Variants in ADAMTS16 observed in about 807,000 individuals in gnomAD.
ADAMTS16 encodes ADAM metallopeptidase with thrombospondin type 1 motif 16, also known as A disintegrin and metalloproteinase with thrombospondin motifs 16.
A neutral mutation model predicts 145.8 loss-of-function variants in ADAMTS16; 94 were observed. The ratio of observed to expected loss-of-function variants is 0.64; its 90% CI spans 0.55 to 0.77. The LOEUF is 0.77. Ranked by LOEUF, ADAMTS16 falls within the 30% of genes least tolerant of loss-of-function variation. The pLI, the probability that ADAMTS16 is intolerant of heterozygous loss-of-function variation, is 0.00. For synonymous variants in ADAMTS16, 659 were observed against 604.3 expected (o/e 1.09, Z -1.33); for missense variants, 1,585 against 1,591.5 (o/e 1.00, Z 0.07).
chr5:5,286,179 AT>A (rs1352445051), intron 18 of ADAMTS16, among the ~76,000 whole-genome samples: 1 of 152,216 alleles, frequency 6.6e-6, no homozygotes, highest in African/African-American at 2.4e-5. Context: ...CCCCCAACTC[AT>A]TGTAACAATA....
chr5:5,231,369 G>A (rs1736917417), intron 11 of ADAMTS16, among the ~76,000 whole-genome samples: 1 of 152,110 alleles, frequency 6.6e-6, no homozygotes, highest in South Asian at 2.1e-4. Flanking sequence ...TCAGTAGTTT[G>A]ATATGTGTTA....
intron 9 of ADAMTS16, 149 bp from the exon 10 acceptor site, chr5:5,208,944 T>C: frequency 1.4e-6 from 1 of 709,296 alleles, no homozygotes; most frequent in Non-Finnish European, 2.3e-6. Flanking sequence ...AGATAAGTAT[T>C]ATATTGTAAC....
chr5:5,209,510 G>A (rs964765263), intron 10 of ADAMTS16, among the ~76,000 whole-genome samples: 1 of 152,112 alleles, frequency 6.6e-6, no homozygotes, highest in Non-Finnish European at 1.5e-5. Context: ...TCGTGTGGGA[G>A]CTCAGCAATA....
intron 18 of ADAMTS16, among the ~76,000 whole-genome samples, chr5:5,283,068 TAA>T (rs1738980911): frequency 6.6e-6 from 1 of 152,188 alleles, no homozygotes; most frequent in Non-Finnish European, 1.5e-5. Flanking sequence ...TTTAATATCA[TAA>T]GTCAATACTG....
At chr5:5,159,999 C>G (rs1446526911) in intron 3 of ADAMTS16, among the ~76,000 whole-genome samples, 2 of 152,120 alleles carry the variant, frequency 1.3e-5, no homozygotes, top group Non-Finnish European at 2.9e-5. Context: ...ATTCCCTTTG[C>G]AGGTTATCAT....
chr5:5,184,657 G>C (rs1735447149), intron 4 of ADAMTS16, among the ~76,000 whole-genome samples: 1 of 152,122 alleles, frequency 6.6e-6, no homozygotes, highest in African/African-American at 2.4e-5. Context: ...GCTGATTAGT[G>C]GGCCTGCTGC....
intron 6 of ADAMTS16, among the ~76,000 whole-genome samples, chr5:5,188,241 T>C (rs1735564031): frequency 6.6e-6 from 1 of 152,230 alleles, no homozygotes; most frequent in South Asian, 2.1e-4. Context: ...TGTTGCTTTA[T>C]TCAATTATCT....
intron 18 of ADAMTS16, among the ~76,000 whole-genome samples, chr5:5,292,498 A>AAATAATAATAAT (rs55690811): frequency 3.4e-5 from 5 of 146,822 alleles, no homozygotes; most frequent in African/African-American, 1.3e-4. Context: ...ACTCCAGCTC[A>AAATAATAATAAT]AATAATAATA....
At chr5:5,311,514 T>C (rs1220423735) in intron 21 of ADAMTS16, among the ~76,000 whole-genome samples, 2 of 150,836 alleles carry the variant, frequency 1.3e-5, no homozygotes, top group Non-Finnish European at 2.9e-5. Context: ...GGTGTGCATG[T>C]GTGAGACGGC....
At chr5:5,184,747 C>T (rs1735450420) in intron 4 of ADAMTS16, among the ~76,000 whole-genome samples, 1 of 151,936 alleles carries the variant, frequency 6.6e-6, no homozygotes, top group African/African-American at 2.4e-5. Context: ...GAGGGGCAGT[C>T]ATTTGCTGAG....
At chr5:5,238,541 G>C (rs1027530960) in intron 14 of ADAMTS16, among the ~76,000 whole-genome samples, 1 of 151,974 alleles carries the variant, frequency 6.6e-6, no homozygotes, top group Admixed American at 6.6e-5. Flanking sequence ...AATACATCTG[G>C]CCCTATGGAT....
chr5:5,176,774 A>G (rs373589314), intron 3 of ADAMTS16, among the ~76,000 whole-genome samples: 57 of 152,330 alleles, frequency 3.7e-4, no homozygotes, highest in Middle Eastern at 3.4e-3. Flanking sequence ...TCTTCCTGCC[A>G]TAGAATTCAT....
At position 5,310,308 on chromosome 5, in the gene ADAMTS16, T is replaced by C. The variant is rs1740369825; in HGVS notation, c.3411+3580T>C. The stretch of plus-strand genomic sequence containing the variant: ...TCCTTCCTAGCCCCCAATTCCCTTT[T>C]CTGTGGCCACTTCCAGCCCGCCACT... On this transcript the variant is annotated intron_variant, in intron 21 of 22. Transcript: ENST00000274181. This position sits in a 1 kb window ranked among gnomAD's most constrained non-coding sequence, Gnocchi z 4.3. Among the ~76,000 whole-genome samples, 1 of 152,056 alleles carries C rather than the reference T, an allele frequency of 6.6e-6. No individual in the cohort carries two copies. The highest frequency in any genetic ancestry group is 1.5e-5 in the Non-Finnish European group (1 of 68,002).
At chr5:5,226,970 T>C (rs1235227664) in intron 11 of ADAMTS16, among the ~76,000 whole-genome samples, 4 of 152,092 alleles carry the variant, frequency 2.6e-5, no homozygotes, top group Admixed American at 2.6e-4. Flanking sequence ...AGCTCTTCGG[T>C]CACTGGGGAC....
At chr5:5,175,235 G>A (rs1735155253) in intron 3 of ADAMTS16, among the ~76,000 whole-genome samples, 1 of 152,126 alleles carries the variant, frequency 6.6e-6, no homozygotes, top group Admixed American at 6.5e-5. Flanking sequence ...AATCCTGACA[G>A]GACTGGGTCA....
At chr5:5,248,865 T>C (rs1737536591) in intron 17 of ADAMTS16, among the ~76,000 whole-genome samples, 2 of 152,240 alleles carry the variant, frequency 1.3e-5, no homozygotes, top group African/African-American at 2.4e-5. Context: ...AATAAACATT[T>C]AAATTCACTT....
rs183086258 is a variant in ADAMTS16, at chr5:5,246,752, C to T, written c.2662+4561C>T. ...CATTTGTGCATCTTAATCGGGGAAT[C>T]GAGTACTTCGATCCAGTGATTTTTT... On this transcript the variant is annotated intron_variant, in intron 17 of 22. Coordinates refer to ENST00000274181, the MANE Select transcript of ADAMTS16 (RefSeq NM_139056.4). Among the ~76,000 whole-genome samples the T allele has an allele frequency of 8.1e-4, 124 of 152,278 alleles. 1 individual carries two copies. The highest frequency in any genetic ancestry group is 2.8e-3 in the African/African-American group (117 of 41,554).
chr5:5,218,834 C>A (rs956280355), intron 10 of ADAMTS16, among the ~76,000 whole-genome samples: 9 of 152,150 alleles, frequency 5.9e-5, no homozygotes, highest in Admixed American at 2.6e-4. Flanking sequence ...CCTTAGCATC[C>A]AGACATCCCT....
intron 7 of ADAMTS16, 149 bp from the exon 8 acceptor site, chr5:5,191,536 C>T: frequency 4.8e-6 from 3 of 620,008 alleles, no homozygotes. Flanking sequence ...TATCAAGTCC[C>T]CTTTATACGG....
Sources: allele counts gnomAD v4.1 joint callset (sites outside exome capture counted in the v4.1 genomes callset), GRCh38; gene constraint gnomAD v4.1.1; non-coding constraint Gnocchi (gnomAD v3.1); transcripts MANE v1.5; gene names NCBI Gene and HGNC (gene_info 2026-07-23, HGNC 2026-07-21).